DHDH: variants seen among roughly 807,000 people sequenced by gnomAD.
The protein encoded by DHDH is dihydrodiol dehydrogenase.
In DHDH, 29 loss-of-function variants were observed where a neutral mutation model predicts 33.2. The ratio of observed to expected loss-of-function variants is 0.87; its 90% CI spans 0.65 to 1.19. The LOEUF (loss-of-function observed/expected upper bound fraction) is 1.19, where lower values mean the gene tolerates loss of function less well. Ranked by LOEUF, DHDH falls within the 50% of genes most tolerant of loss-of-function variation. The pLI is 0.00. For synonymous variants in DHDH, 201 were observed against 187.9 expected (o/e 1.07, Z -0.57); for missense variants, 431 against 455.0 (o/e 0.95, Z 0.48).
intron 5 of DHDH, among the ~76,000 whole-genome samples, chr19:48,942,795 C>G (rs971574841): frequency 6.6e-6 from 1 of 151,064 alleles, no homozygotes; most frequent in African/African-American, 2.4e-5. Flanking sequence ...TGGCTCACGT[C>G]TGTAATCCCA....
chr19:48,939,314 C>A, intron 3 of DHDH, 135 bp from the exon 4 acceptor site: 1 of 1,010,060 alleles, frequency 9.9e-7, no homozygotes, highest in Non-Finnish European at 1.5e-6. Flanking sequence ...TCAAGAGGGT[C>A]AGGAGCAAGA....
chr19:48,937,414 G>T (rs1286532260), intron 3 of DHDH, among the ~76,000 whole-genome samples: 4 of 152,100 alleles, frequency 2.6e-5, no homozygotes, highest in African/African-American at 9.7e-5. Flanking sequence ...GGTGGCTCAC[G>T]CCTGTAATCC....
chr19:48,941,613 G>C (rs1446445218), intron 4 of DHDH, among the ~76,000 whole-genome samples: 1 of 149,664 alleles, frequency 6.7e-6, no homozygotes, highest in African/African-American at 2.5e-5. Context: ...GACCTCCTGG[G>C]CTCAAGCAAT....
intron 4 of DHDH, among the ~76,000 whole-genome samples, chr19:48,940,144 C>G (rs2037838158): frequency 6.6e-6 from 1 of 151,950 alleles, no homozygotes; most frequent in Admixed American, 6.6e-5. Context: ...CACCTGAGGT[C>G]AGGAGTTGGA....
In DHDH at chr19:48,939,593, G is replaced by T. The variant is rs775768762; in HGVS notation, c.511G>T (p.Gly171Trp). The T allele has an allele frequency of 1.0e-4, 157 of 1,565,844 alleles. No homozygotes were observed. Among genetic ancestry groups the T allele is most frequent in the African/African-American group, 1.6e-4 (11 of 67,968 alleles). ...CCGGGCCGTAGACCGGGCCCAGGCTGGGGGGGCCCTGCTGGACATCGGCAT... is the reference window on the plus strand; with the variant it reads ...CCGGGCCGTAGACCGGGCCCAGGCTTGGGGGGCCCTGCTGGACATCGGCAT... ...VPRAVDRAQA[G>W]GALLDIGIYC... The change falls in exon 4 of 7, where the codon GGG (glycine) becomes TGG (tryptophan). Residue 171 changes from glycine to tryptophan, a missense_variant. Gly to Trp is a radical substitution (Grantham distance 184, BLOSUM62 -2). Coordinates refer to ENST00000221403, the MANE Select transcript of DHDH (RefSeq NM_014475.4).
intron 2 of DHDH, 128 bp downstream of exon 2, chr19:48,935,239 GGGA>G (rs1354514048): frequency 1.2e-5 from 8 of 667,540 alleles, no homozygotes; most frequent in Non-Finnish European, 1.8e-5. Context: ...ACCTTTGGCT[GGGA>G]GGAGAACTAT....
intron 3 of DHDH, among the ~76,000 whole-genome samples, chr19:48,938,427 T>C (rs2037810762): frequency 6.6e-6 from 1 of 151,998 alleles, no homozygotes; most frequent in Non-Finnish European, 1.5e-5. Flanking sequence ...TTTGTTGTTG[T>C]CATTTTGCAT....
chr19:48,941,096 T>TTA (rs909451467), intron 4 of DHDH, among the ~76,000 whole-genome samples: 3 of 152,168 alleles, frequency 2.0e-5, no homozygotes, highest in African/African-American at 7.2e-5. Context: ...TGATGGTTCT[T>TTA]CTGCTGGTCT....
At chr19:48,942,980 G>A (rs139417156) in intron 5 of DHDH, among the ~76,000 whole-genome samples, 24 of 151,834 alleles carry the variant, frequency 1.6e-4, no homozygotes, top group Admixed American at 1.1e-3. Context: ...GCTTGAATCC[G>A]GAAGATGGAG....
rs576817452 is a variant in DHDH, at chr19:48,944,725, G to A, written c.896-99G>A. 8.4e-5 allele frequency: 106 copies of A among 1,259,540 alleles called. No homozygotes were observed. In the South Asian group the frequency reaches 1.3e-3, roughly 16 times the overall value. 78.0% of individuals were successfully genotyped at this position (1,259,540 alleles called of 1,614,324 possible). A position where few individuals can be genotyped will look rare whatever the true frequency, so the allele number is the denominator to read the frequency against. ...GAACCCCTGCAGCATCCATCTGCCT[G>A]AACCATGTATATTGTGCCACATGGA... On this transcript the variant is annotated intron_variant, in intron 6 of 6. Coordinates refer to ENST00000221403, the MANE Select transcript of DHDH (RefSeq NM_014475.4).
chr19:48,933,614 G>A (rs2037731787), upstream of DHDH: 2 of 1,002,836 alleles, frequency 2.0e-6, no homozygotes, highest in African/African-American at 1.6e-5. Flanking sequence ...ATCGGCGTAG[G>A]CGCAATACGG....
At chr19:48,936,779 T>TG (rs1219686204) in intron 3 of DHDH, among the ~76,000 whole-genome samples, 2 of 151,266 alleles carry the variant, frequency 1.3e-5, no homozygotes, top group Admixed American at 6.6e-5. Context: ...TGGCTTAGTT[T>TG]GGGTGGGGTT....
chr19:48,942,575 G>T lies in DHDH; in HGVS notation c.744+11G>T, dbSNP rs1258348551. On this transcript the variant is annotated intron_variant, in intron 5 of 6. Transcript: ENST00000221403. ...AAGGGCATGGTACAGGTGAGGCATG[G>T]CGGGCCCAAGCGCTGGGGATCGTGC... 2.1e-5 allele frequency: 34 copies of T among 1,607,466 alleles called. No individual in the cohort carries two copies. Among genetic ancestry groups the T allele is most frequent in the Non-Finnish European group, 2.9e-5 (34 of 1,175,308 alleles).
intron 4 of DHDH, among the ~76,000 whole-genome samples, 153 bp downstream of exon 4, chr19:48,939,854 C>T: frequency 6.6e-6 from 1 of 152,120 alleles, no homozygotes; most frequent in East Asian, 1.9e-4. Context: ...AGAGTCAAGA[C>T]TGCAGGTGGG....
chr19:48,944,226 GA>G, intron 5 of DHDH, 130 bp from the exon 6 acceptor site: 1 of 1,228,026 alleles, frequency 8.1e-7, no homozygotes, highest in Non-Finnish European at 1.2e-6. Context: ...GCTCCCCGGG[GA>G]TGGACAGGGC....
chr19:48,944,766 G>C (rs2122288290), intron 6 of DHDH, 58 bp from the exon 7 acceptor site: 1 of 1,479,208 alleles, frequency 6.8e-7, no homozygotes, highest in Non-Finnish European at 9.4e-7. Flanking sequence ...GGGAATTGTA[G>C]TTCTTTGGGT....
At position 48,936,660 on chromosome 19, in the gene DHDH, C is replaced by T. The variant is rs553153225; in HGVS notation, c.366+465C>T. 3.8e-3 allele frequency among the ~76,000 whole-genome samples: 568 copies of T among 148,146 alleles called. 1 individual carries two copies. Among genetic ancestry groups the T allele is most frequent in the Non-Finnish European group, 6.2e-3 (418 of 67,202 alleles). On this transcript the variant is annotated intron_variant, in intron 3 of 6. Transcript: ENST00000221403. ...GCAGTCAGCCAAGATTGCGCCACTG[C>T]ACTCCAGCCTGGGCAACACAGTGAG...
rs114061167 is a variant in DHDH at position 48,938,588 on chromosome 19, C to A, written c.367-861C>A. Among the ~76,000 whole-genome samples the A allele has an allele frequency of 5.9e-3, 890 of 151,992 alleles. 6 individuals are homozygous for A. Among genetic ancestry groups the A allele is most frequent in the African/African-American group, 0.02 (829 of 41,440 alleles). ...GCTCTATACCTACATCTAATCTCTT[C>A]TTATAAGGACACCAGTCATATTGTC... On this transcript the variant is annotated intron_variant, in intron 3 of 6. Transcript: ENST00000221403.
rs182659499 is a variant in DHDH at position 48,944,749 on chromosome 19, G to A, written c.896-75G>A. The A allele has an allele frequency of 8.7e-3, 11,950 of 1,380,756 alleles. 64 individuals are homozygous for A. The highest frequency in any genetic ancestry group is 0.011 in the Non-Finnish European group (10,497 of 973,888). The allele number at this position is 1,380,756 out of a possible 1,614,324, so 85.5% of individuals were successfully genotyped here. A position where few individuals can be genotyped will look rare whatever the true frequency, so the allele number is the denominator to read the frequency against. ...TGAACCATGTATATTGTGCCACATGGAATTCTGGGAATTGTAGTTCTTTGG... is the reference window on the plus strand; with the variant it reads ...TGAACCATGTATATTGTGCCACATGAAATTCTGGGAATTGTAGTTCTTTGG... On this transcript the variant is annotated intron_variant, in intron 6 of 6. Transcript: ENST00000221403.
Sources: gnomAD v4.1 joint callset for allele counts (sites outside exome capture counted in the v4.1 genomes callset) on GRCh38, gnomAD v4.1.1 for gene constraint, MANE v1.5 for transcripts, NCBI Gene and HGNC (gene_info 2026-07-23, HGNC 2026-07-21) for gene names.